The following OCIAD2 variants were observed in gnomAD, a reference collection of about 807,000 sequenced individuals.
OCIAD2 encodes the protein OCIA domain-containing protein 2.
Under a neutral mutation model 22.9 loss-of-function variants are expected in OCIAD2, and 29 were observed. The ratio of observed to expected loss-of-function variants is 1.27; its 90% CI spans 0.94 to 1.73. The LOEUF is 1.73. Among genes scored for constraint, OCIAD2 ranks in the 40% most tolerant of loss-of-function variants. OCIAD2 has a pLI of 0.00. For missense variants in OCIAD2, 189 were observed against 180.3 expected (o/e 1.05, Z -0.28); for synonymous variants, 67 against 60.2 (o/e 1.11, Z -0.52).
intron 5 of OCIAD2, chr4:48,893,455 C>T (rs1022864837): frequency 2.0e-5 from 3 of 152,292 alleles, no homozygotes; most frequent in African/African-American, 7.2e-5. Context: ...AAGATGAAAC[C>T]CCAAGTTTGT....
At chr4:48,893,041 GA>G in intron 5 of OCIAD2, 152 bp from the exon 6 acceptor site, 1 of 527,610 alleles carries the variant, frequency 1.9e-6, no homozygotes, top group South Asian at 2.8e-5. Context: ...TATTTAAAAA[GA>G]ACAGGATTGG....
At chr4:48,889,202 T>C (rs1381683717) in intron 6 of OCIAD2, among the ~76,000 whole-genome samples, 1 of 152,238 alleles carries the variant, frequency 6.6e-6, no homozygotes, top group East Asian at 1.9e-4. Flanking sequence ...TATCACTTTT[T>C]ATTGCATCTA....
At chr4:48,898,579 A>G (rs956633613) in intron 3 of OCIAD2, among the ~76,000 whole-genome samples, 2 of 152,108 alleles carry the variant, frequency 1.3e-5, no homozygotes, top group African/African-American at 4.8e-5. Context: ...GTTTTTTCCA[A>G]CTCAGAAATT....
rs1402016601 is a variant in OCIAD2, at chr4:48,897,909, A to G, written c.164-52T>C. 34 of 1,301,654 alleles carry G rather than the reference A, an allele frequency of 2.6e-5. 1 individual carries two copies. Among genetic ancestry groups the G allele is most frequent in the Non-Finnish European group, 3.8e-5 (34 of 905,056 alleles). The allele number at this position is 1,301,654 out of a possible 1,614,324, so 80.6% of individuals were successfully genotyped here. On this transcript the variant is annotated intron_variant, in intron 3 of 6. Coordinates refer to ENST00000508632, the MANE Select transcript of OCIAD2 (RefSeq NM_001014446.3). ...TTGGTATTTTAAAAATTGGCACCTC[A>G]CCTAGAAGTTAGGGAAAATTATTCT...
chr4:48,903,511 A>G (rs1327207848), intron 2 of OCIAD2, among the ~76,000 whole-genome samples: 1 of 152,090 alleles, frequency 6.6e-6, no homozygotes, highest in Non-Finnish European at 1.5e-5. Flanking sequence ...TAAATAAGCA[A>G]CATGTATCAC....
chr4:48,888,688 A>C (rs1269361017), intron 6 of OCIAD2, among the ~76,000 whole-genome samples: 1 of 152,174 alleles, frequency 6.6e-6, no homozygotes, highest in Non-Finnish European at 1.5e-5. Context: ...GATGAAGCCC[A>C]CTTGATCATG....
rs7700082 is a variant in OCIAD2 at position 48,899,606 on chromosome 4, A to T, written c.163+223T>A. ...ATATTCTTGGTAAAGGGAAGAGTTAAGTGTGCATCACTTTTTGCTAAGTGA... is the reference window on the plus strand; with the variant it reads ...ATATTCTTGGTAAAGGGAAGAGTTATGTGTGCATCACTTTTTGCTAAGTGA... On this transcript the variant is annotated intron_variant, in intron 3 of 6. Coordinates refer to ENST00000508632, the MANE Select transcript of OCIAD2 (RefSeq NM_001014446.3). Among the ~76,000 whole-genome samples the T allele has an allele frequency of 3.2e-3, 484 of 152,306 alleles. 4 individuals are homozygous for T. Among genetic ancestry groups the T allele is most frequent in the African/African-American group, 0.011 (447 of 41,562 alleles).
chr4:48,890,129 A>AT (rs1235928601), intron 6 of OCIAD2, among the ~76,000 whole-genome samples: 17 of 151,206 alleles, frequency 1.1e-4, no homozygotes, highest in Non-Finnish European at 1.8e-4. Flanking sequence ...GGGGGAAGAG[A>AT]TAGCATTAGG....
intron 3 of OCIAD2, among the ~76,000 whole-genome samples, chr4:48,898,333 C>G (rs572342773): frequency 6.6e-6 from 1 of 151,122 alleles, no homozygotes; most frequent in South Asian, 2.1e-4. Flanking sequence ...TGCTTTATCT[C>G]TTTCTAATTT....
chr4:48,890,397 T>G (rs1781134804), intron 6 of OCIAD2, among the ~76,000 whole-genome samples: 1 of 152,200 alleles, frequency 6.6e-6, no homozygotes, highest in Non-Finnish European at 1.5e-5. Context: ...ATCTTGATTC[T>G]TTTTGAATTC....
Position 48,885,510 on chromosome 4 carries a change from C to T in OCIAD2, c.439G>A (p.Gly147Arg), listed in dbSNP as rs144155091. Residue 147 changes from glycine to arginine, a missense_variant, in exon 7 of 7, where the codon GGA becomes AGA. Transcript: ENST00000508632. ...CKIKHGLSEK[G>R]DSQPSAS Reference sequence around the variant, plus strand: ...TAGGAAGCTGAAGGCTGAGAGTCTCCCTTCTCACTTAATCCATGCTTTATT... The same window carrying T: ...TAGGAAGCTGAAGGCTGAGAGTCTCTCTTCTCACTTAATCCATGCTTTATT... 7.5e-6 allele frequency: 12 copies of T among 1,609,798 alleles called. No individual in the cohort carries two copies. In the African/African-American group the frequency reaches 1.5e-4, roughly 20 times the overall value.
chr4:48,901,419 C>T (rs1781415357), intron 2 of OCIAD2, among the ~76,000 whole-genome samples: 1 of 152,162 alleles, frequency 6.6e-6, no homozygotes, highest in Non-Finnish European at 1.5e-5. Flanking sequence ...AGGGCCTGAA[C>T]ATTCCCTTAT....
rs75676052 is a variant in OCIAD2, at chr4:48,898,271, C to T, written c.164-414G>A. 1.5e-3 allele frequency among the ~76,000 whole-genome samples: 230 copies of T among 152,294 alleles called. 1 individual carries two copies. The highest frequency in any genetic ancestry group is 5.3e-3 in the African/African-American group (222 of 41,568). On this transcript the variant is annotated intron_variant, in intron 3 of 6. Coordinates refer to ENST00000508632, the MANE Select transcript of OCIAD2 (RefSeq NM_001014446.3). ...AAATGATAAAAAGCAATACAATAAA[C>T]TCCTACATACCCTTCATCTAGATTC...
At chr4:48,885,744 T>C (rs1325899436) in intron 6 of OCIAD2, among the ~76,000 whole-genome samples, 179 bp from the exon 7 acceptor site, 1 of 152,140 alleles carries the variant, frequency 6.6e-6, no homozygotes, top group Non-Finnish European at 1.5e-5. Flanking sequence ...CCCAACCCTC[T>C]TGAGTAGCTG....
chr4:48,899,935 A>C lies in OCIAD2; in HGVS notation c.67-10T>G. ...GACAAAACAACAGGCTCTGTAAGGA[A>C]AGTTATATGGTGAGCTAACTGAGGT... On this transcript the variant is annotated splice_polypyrimidine_tract_variant and intron_variant, in intron 2 of 6. Transcript: ENST00000508632. 1 of 1,602,738 alleles carries C rather than the reference A, an allele frequency of 6.2e-7. No homozygotes were observed. Among genetic ancestry groups the C allele is most frequent in the Non-Finnish European group, 8.5e-7 (1 of 1,170,086 alleles).
intron 6 of OCIAD2, 95 bp from the exon 7 acceptor site, chr4:48,885,660 C>A: frequency 2.8e-6 from 2 of 720,230 alleles, no homozygotes; most frequent in South Asian, 3.6e-5. Flanking sequence ...TTAACATAAT[C>A]TTTTTAATAG....
At chr4:48,894,647 G>C (rs1297188602) in intron 4 of OCIAD2, among the ~76,000 whole-genome samples, 1 of 152,096 alleles carries the variant, frequency 6.6e-6, no homozygotes, top group South Asian at 2.1e-4. Flanking sequence ...TCAAGCAAAG[G>C]TAGGGCTAAC....
At chr4:48,895,446 A>G (rs1448881448) in intron 4 of OCIAD2, among the ~76,000 whole-genome samples, 1 of 152,218 alleles carries the variant, frequency 6.6e-6, no homozygotes, top group Admixed American at 6.5e-5. Context: ...TGAGAAGTCC[A>G]AGAGCACAGA....
chr4:48,894,937 T>G (rs773105762), intron 4 of OCIAD2, among the ~76,000 whole-genome samples: 1 of 152,206 alleles, frequency 6.6e-6, no homozygotes, highest in Non-Finnish European at 1.5e-5. Context: ...CTAATGTTGC[T>G]AATCAGATGA....
Sources: gnomAD v4.1 joint callset for allele counts (sites outside exome capture counted in the v4.1 genomes callset) on GRCh38, gnomAD v4.1.1 for gene constraint, MANE v1.5 for transcripts, NCBI Gene and HGNC (gene_info 2026-07-23, HGNC 2026-07-21) for gene names.